The following HELZ2 variants were observed in gnomAD, a reference collection of about 807,000 sequenced individuals.
HELZ2 encodes the protein helicase with zinc finger 2.
HELZ2 carries 143 observed loss-of-function variants against 208.8 expected under a neutral mutation model. The observed-to-expected ratio is 0.68, with a 90% CI of 0.60 to 0.79. The LOEUF is 0.79. Among genes scored for constraint, HELZ2 ranks in the 30% least tolerant of loss-of-function variants. The probability of loss-of-function intolerance (pLI) is 0.00; values close to 1 mark genes in which losing one functional copy is unlikely to be tolerated. For synonymous variants in HELZ2, 1,705 were observed against 1,693.7 expected, an observed-to-expected ratio of 1.01 and a Z score of -0.16; for missense variants, 3,690 against 3,794.5, an observed-to-expected ratio of 0.97 and a Z score of 0.72.
rs772818912 is a variant in HELZ2 at position 63,565,473 on chromosome 20, C to G, written c.3349G>C (p.Ala1117Pro). 5.6e-6 allele frequency: 9 copies of G among 1,607,640 alleles called. No homozygotes were observed. In the African/African-American group the frequency reaches 1.1e-4, roughly 19 times the overall value. The change falls in exon 8 of 19, where the codon GCG becomes CCG. Residue 1117 changes from alanine to proline, a missense_variant. This residue lies in a region of HELZ2 where 2,564 missense variants were observed against 2,580.5 expected (regional missense o/e 0.99). Transcript: ENST00000467148. Reference sequence around the variant, plus strand: ...TCCGCGTGCAGCAGCTTCCGTAGCGCAGCCGGGGGCAGGTTCTCGTACAGC... The same window carrying G: ...TCCGCGTGCAGCAGCTTCCGTAGCGGAGCCGGGGGCAGGTTCTCGTACAGC...
chr20:63,568,765 T>C (rs2146020778), exon 5 of HELZ2: 1 of 1,605,990 alleles, frequency 6.2e-7, no homozygotes. Flanking sequence ...GCGCCTGCTC[T>C]GAGCTGGCCC....
At position 63,570,523 on chromosome 20, in the gene HELZ2, G is replaced by A. The variant is rs753865422; in HGVS notation, c.551C>T (p.Thr184Met). 9.7e-5 allele frequency: 157 copies of A among 1,613,092 alleles called. No homozygotes were observed. The highest frequency in any genetic ancestry group is 1.3e-4 in the Non-Finnish European group (153 of 1,179,930). Residue 184 changes from threonine (T) to methionine (M), a missense_variant, in exon 3 of 19, where the codon ACG becomes ATG. By Grantham distance (81) the Thr-to-Met change is moderately conservative. Coordinates refer to ENST00000467148, the Ensembl canonical transcript of HELZ2. Reference sequence around the variant, plus strand: ...GCTCACCTCAGAGTGGACGGCAAACGTCCAGCTGTACTGGGTCTTCCTCTC... The same window carrying A: ...GCTCACCTCAGAGTGGACGGCAAACATCCAGCTGTACTGGGTCTTCCTCTC...
At chr20:63,564,241 C>T in exon 8 of HELZ2, 1 of 1,612,042 alleles carries the variant, frequency 6.2e-7, no homozygotes, top group South Asian at 1.1e-5. Flanking sequence ...GAATCATGTA[C>T]TCCTTCACCA....
exon 4 of HELZ2, chr20:63,569,432 C>T (rs1220949405): frequency 3.1e-6 from 5 of 1,608,596 alleles, no homozygotes; most frequent in African/African-American, 1.3e-5. Flanking sequence ...CCAGCTGCAG[C>T]CCCAGCTTTT....
intron 5 of HELZ2, 23 bp from the exon 7 acceptor site, chr20:63,567,650 T>C (rs1250273254): frequency 1.3e-6 from 2 of 1,589,338 alleles, no homozygotes; most frequent in East Asian, 4.5e-5. Flanking sequence ...GAGGAGCTCA[T>C]GGGCTTCTTG....
Position 63,561,065 on chromosome 20 carries a change from A to AC in HELZ2, c.7146+16dup, listed in dbSNP as rs747853445. ...AGGGACGCCTGCTCATGCTGCCCAC[A>AC]CCCCCCGCCGACCAACCTTCTCGGC... On this transcript the variant is annotated intron_variant, in intron 14 of 18. Coordinates refer to ENST00000467148, the Ensembl canonical transcript of HELZ2. 1.9e-5 allele frequency: 31 copies of AC among 1,604,590 alleles called. No homozygotes were observed. The highest frequency in any genetic ancestry group is 2.6e-5 in the Non-Finnish European group (30 of 1,174,908).
rs1333993136 is a variant in HELZ2, at chr20:63,561,594, G to C, written c.6836+7C>G. ...CTCCGCCCAAGCCCCAAAGACAGCA[G>C]GCACACCTGAGGCTCTGGTTCGGCC... On this transcript the variant is annotated splice_region_variant and intron_variant, in intron 12 of 18. Coordinates refer to ENST00000467148, the Ensembl canonical transcript of HELZ2. The C allele has an allele frequency of 1.9e-6, 3 of 1,598,690 alleles. No individual in the cohort carries two copies. In the Admixed American group the frequency reaches 5.1e-5, roughly 27 times the overall value.
At chr20:63,559,040 G>T, downstream of HELZ2, 1 of 548,062 alleles carries the variant, frequency 1.8e-6, no homozygotes, top group Non-Finnish European at 3.2e-6. Flanking sequence ...AGGTGTTCCT[G>T]TCCCCAGATG....
upstream of HELZ2, among the ~76,000 whole-genome samples, chr20:63,573,509 G>A (rs1403866304): frequency 5.9e-5 from 9 of 152,138 alleles, no homozygotes; most frequent in Non-Finnish European, 1.2e-4. The surrounding 1 kb of genome is among the most constrained non-coding windows in gnomAD (Gnocchi z 4.9). Flanking sequence ...GAGCCAAGGT[G>A]ACTGCTTGTG....
Position 63,565,306 on chromosome 20 carries a change from C to T in HELZ2, c.3516G>A (p.Val1172=), listed in dbSNP as rs370443608. 150 of 1,606,012 alleles carry T rather than the reference C, an allele frequency of 9.3e-5. 1 individual carries two copies. The African/African-American group carries it at 1.8e-3, about 20-fold the overall frequency. The change falls in exon 8 of 19, where the codon GTG becomes GTA. Residue 1172 remains valine, a synonymous_variant. Coordinates refer to ENST00000467148, the Ensembl canonical transcript of HELZ2. ...TGTCTCCCGAAAGGAGCTGCACCAGCACCTCATCCCCGGCGAAGGCCATCC... is the reference window on the plus strand; with the variant it reads ...TGTCTCCCGAAAGGAGCTGCACCAGTACCTCATCCCCGGCGAAGGCCATCC...
chr20:63,566,044 C>A, exon 8 of HELZ2: 1 of 1,590,500 alleles, frequency 6.3e-7, no homozygotes, highest in Admixed American at 1.7e-5. Context: ...TCTCCCAGAG[C>A]TTGCCGCAGG....
Position 63,566,375 on chromosome 20 carries a change from C to CA in HELZ2, c.2590+2dup. The CA allele has an allele frequency of 6.5e-7, 1 of 1,548,078 alleles. No homozygotes were observed. The highest frequency in any genetic ancestry group is 8.7e-7 in the Non-Finnish European group (1 of 1,146,668). ...GCAGCACCTGGCCCCGCTGGTCACCCACCTGGCAGGATCTCAAAACTGCCG... is the reference window on the plus strand; with the variant it reads ...GCAGCACCTGGCCCCGCTGGTCACCCAACCTGGCAGGATCTCAAAACTGCCG... On this transcript the variant is annotated splice_region_variant and intron_variant, in intron 7 of 18. Transcript: ENST00000467148.
Position 63,566,245 on chromosome 20 carries a change from G to T in HELZ2, c.2591-14C>A. 6.7e-7 allele frequency: 1 copy of T among 1,483,144 alleles called. No homozygotes were observed. The allele number at this position is 1,483,144 out of a possible 1,614,324, so 91.9% of individuals were successfully genotyped here. ...GGAACTGCCGCCCTGCAGGGGGCAC[G>T]CAGTCAGGTCAGGCTGGGTGCGCAA... On this transcript the variant is annotated splice_polypyrimidine_tract_variant and intron_variant, in intron 7 of 18. Transcript: ENST00000467148.
upstream of HELZ2, among the ~76,000 whole-genome samples, chr20:63,573,934 C>G (rs2083035241): frequency 6.6e-6 from 1 of 152,150 alleles, no homozygotes. This position sits in a 1 kb window ranked among gnomAD's most constrained non-coding sequence, Gnocchi z 4.9. Context: ...ACCCCAAAAT[C>G]CTGCGCTCCA....
chr20:63,560,919 AG>A lies in HELZ2; in HGVS notation c.7156del (p.Leu2386SerfsTer59). ...AGGCCGCAGCTGCTTGTGGTCTCCG[AG>A]AAGAACCACCTGGAGGAATAGGCAG... On this transcript the variant is annotated frameshift_variant, in exon 15 of 19. Transcript: ENST00000467148. LOFTEE classifies it high-confidence loss of function. 6.2e-7 allele frequency: 1 copy of A among 1,612,794 alleles called. No individual in the cohort carries two copies. Among genetic ancestry groups the A allele is most frequent in the South Asian group, 1.1e-5 (1 of 91,070 alleles).
rs979544516 is a variant in HELZ2, at chr20:63,570,815, T to G, written c.332A>C (p.Glu111Ala). 2.8e-5 allele frequency: 45 copies of G among 1,610,108 alleles called. No homozygotes were observed. The highest frequency in any genetic ancestry group is 3.7e-5 in the Non-Finnish European group (44 of 1,178,534). The change falls in exon 2 of 19, where the codon GAG (glutamate) becomes GCG (alanine). Residue 111 changes from glutamate to alanine, a missense_variant. By Grantham distance (107) the Glu-to-Ala change is moderately radical. Transcript: ENST00000467148. ...CGTGCGCCGGACCCACTCCTGCAGCTCCTGTGCTGAGTGTGCCTTGGTGCA... is the reference window on the plus strand; with the variant it reads ...CGTGCGCCGGACCCACTCCTGCAGCGCCTGTGCTGAGTGTGCCTTGGTGCA...
exon 18 of HELZ2, chr20:63,560,058 G>A (rs2082868242): frequency 6.2e-7 from 1 of 1,609,156 alleles, no homozygotes; most frequent in Non-Finnish European, 8.5e-7. Flanking sequence ...TGGCACAGGT[G>A]CGGACGGTGC....
rs73326170 is a variant in HELZ2 at position 63,565,470 on chromosome 20, G to A, written c.3352C>T (p.Leu1118=). ...GGCTCCGCGTGCAGCAGCTTCCGTA[G>A]CGCAGCCGGGGGCAGGTTCTCGTAC... The change falls in exon 8 of 19, where the codon CTA becomes TTA. Residue 1118 remains leucine, a synonymous_variant. Coordinates refer to ENST00000467148, the Ensembl canonical transcript of HELZ2. The A allele has an allele frequency of 1.4e-5, 22 of 1,608,218 alleles. No homozygotes were observed. The African/African-American group carries it at 2.5e-4, about 19-fold the overall frequency.
exon 4 of HELZ2, chr20:63,569,339 G>A: frequency 6.2e-7 from 1 of 1,602,288 alleles, no homozygotes; most frequent in Non-Finnish European, 8.5e-7. Context: ...GCACCACGTG[G>A]CGGTTGCCAG....
Sources: allele counts gnomAD v4.1 joint callset (sites outside exome capture counted in the v4.1 genomes callset), GRCh38; gene constraint gnomAD v4.1.1; regional missense constraint gnomAD v4.1.1; non-coding constraint Gnocchi (gnomAD v3.1); transcripts MANE v1.5; gene names NCBI Gene and HGNC (gene_info 2026-07-23, HGNC 2026-07-21).